TRIP10: variants seen among roughly 807,000 people sequenced by gnomAD.
TRIP10 encodes the protein thyroid hormone receptor interactor 10.
TRIP10 carries 54 observed loss-of-function variants against 80.9 expected under a neutral mutation model. That is an observed-to-expected ratio of 0.67 (90% CI 0.54 to 0.84). The LOEUF (loss-of-function observed/expected upper bound fraction) is 0.84, where lower values mean the gene tolerates loss of function less well. TRIP10 is among the 40% of genes least tolerant of loss of function. TRIP10 has a pLI of 0.00. For missense variants in TRIP10, 773 were observed against 815.3 expected (o/e 0.95, Z 0.63); for synonymous variants, 321 against 307.2 (o/e 1.04, Z -0.47).
Position 6,744,714 on chromosome 19 carries a change from C to A in TRIP10, c.789+14C>A. ...GATCCCAAGAACGTGGGTGCCTGGTCTGGGTCCACTGGGCTACGGGAAGGG... is the reference window on the plus strand; with the variant it reads ...GATCCCAAGAACGTGGGTGCCTGGTATGGGTCCACTGGGCTACGGGAAGGG... On this transcript the variant is annotated intron_variant, in intron 8 of 14. Transcript: ENST00000313244. This position sits in a 1 kb window ranked among gnomAD's most constrained non-coding sequence, Gnocchi z 4.9. 11 of 1,592,718 alleles carry A rather than the reference C, an allele frequency of 6.9e-6. No individual in the cohort carries two copies. Among genetic ancestry groups the A allele is most frequent in the Non-Finnish European group, 9.4e-6 (11 of 1,168,158 alleles).
In TRIP10 at chr19:6,739,747, G is replaced by A; in HGVS notation, c.-15G>A. 6 of 1,394,114 alleles carry A rather than the reference G, an allele frequency of 4.3e-6. No homozygotes were observed. Among genetic ancestry groups the A allele is most frequent in the Admixed American group, 2.7e-5 (1 of 36,994 alleles). 86.4% of individuals were successfully genotyped at this position (1,394,114 alleles called of 1,614,324 possible). ...CGGGTGCGGTGGTGGCTGCGGCGGC[G>A]GCGGCGGGAGCAGCATGGATTGGGG... On this transcript the variant is annotated 5_prime_UTR_variant, in exon 1 of 15. Coordinates refer to ENST00000313244, the MANE Select transcript of TRIP10 (RefSeq NM_001288962.2).
chr19:6,746,845 T>C lies in TRIP10; in HGVS notation c.1262+284T>C, dbSNP rs1021973277. On this transcript the variant is annotated intron_variant, in intron 11 of 14. Coordinates refer to ENST00000313244, the MANE Select transcript of TRIP10 (RefSeq NM_001288962.2). This position sits in a 1 kb window ranked among gnomAD's most constrained non-coding sequence, Gnocchi z 6.2. ...TTTTAGTAGAGGCGGGGTTTCCCCA[T>C]ATTAGCCAGGCTGTCTTGAACTCCT... Among the ~76,000 whole-genome samples, 1 of 152,126 alleles carries C rather than the reference T, an allele frequency of 6.6e-6. No homozygotes were observed.
intron 2 of TRIP10, 47 bp from the exon 3 acceptor site, chr19:6,741,178 G>A (rs368513356): frequency 1.2e-6 from 2 of 1,613,374 alleles, no homozygotes; most frequent in Admixed American, 1.7e-5. Context: ...GACGGGGAGC[G>A]GTGGGAGGGC....
intron 12 of TRIP10, 48 bp downstream of exon 12, chr19:6,750,114 G>A (rs771604885): frequency 8.2e-5 from 110 of 1,343,232 alleles, no homozygotes; most frequent in Non-Finnish European, 1.1e-4. Context: ...GCCTGGCTGA[G>A]TCACTGCTGG....
At position 6,741,472 on chromosome 19, in the gene TRIP10, T is replaced by G. The variant is rs1690636; in HGVS notation, c.197+191T>G. Among the ~76,000 whole-genome samples the G allele has an allele frequency of 3.5e-3, 537 of 152,308 alleles. 4 individuals are homozygous for G. Among genetic ancestry groups the G allele is most frequent in the African/African-American group, 0.012 (516 of 41,570 alleles). Reference sequence around the variant, plus strand: ...CCACTACTATGTAGAGAAATTGACTTGGGCTTGTGACTCAGGTTTTCTGCC... The same window carrying G: ...CCACTACTATGTAGAGAAATTGACTGGGGCTTGTGACTCAGGTTTTCTGCC... On this transcript the variant is annotated intron_variant, in intron 3 of 14. Transcript: ENST00000313244.
Position 6,743,806 on chromosome 19 carries a change from C to T in TRIP10, c.612C>T (p.Phe204=). Residue 204 remains phenylalanine, a synonymous_variant, in exon 7 of 15, where the codon TTC becomes TTT. Coordinates refer to ENST00000313244, the MANE Select transcript of TRIP10 (RefSeq NM_001288962.2). The stretch of plus-strand genomic sequence containing the variant: ...GCTTCAACCGAGACCAAGCCCACTT[C>T]TATTTTTCACAGATGCCCCAGATAT... ...LQRFNRDQAH[F]YFSQMPQIFD... 1 of 1,614,120 alleles carries T rather than the reference C, an allele frequency of 6.2e-7. No homozygotes were observed. Among genetic ancestry groups the T allele is most frequent in the Non-Finnish European group, 8.5e-7 (1 of 1,180,024 alleles).
At chr19:6,750,879 C>T (rs1040463152) in intron 14 of TRIP10, among the ~76,000 whole-genome samples, 184 bp from the exon 15 acceptor site, 2 of 152,156 alleles carry the variant, frequency 1.3e-5, no homozygotes, top group Admixed American at 1.3e-4. Flanking sequence ...GCCTGTGATC[C>T]CAGCTACTCG....
chr19:6,746,025 G>C lies in TRIP10; in HGVS notation c.985-4G>C. The C allele has an allele frequency of 1.3e-6, 1 of 756,802 alleles. No individual in the cohort carries two copies. Among genetic ancestry groups the C allele is most frequent in the Non-Finnish European group, 1.6e-6 (1 of 611,278 alleles). 46.9% of individuals were successfully genotyped at this position (756,802 alleles called of 1,614,324 possible). On this transcript the variant is annotated splice_polypyrimidine_tract_variant and splice_region_variant and intron_variant, in intron 9 of 14. Coordinates refer to ENST00000313244, the MANE Select transcript of TRIP10 (RefSeq NM_001288962.2). This position sits in a 1 kb window ranked among gnomAD's most constrained non-coding sequence, Gnocchi z 6.2. ...CTATCCCCCTCCCCGGCCCCCGCCG[G>C]TAGCCTCGCCCCCCACCCCTCTCCC... is the stretch of plus-strand genomic sequence containing the variant.
Position 6,743,069 on chromosome 19 carries a change from T to C in TRIP10, c.300T>C (p.Leu100=). 2 of 1,613,354 alleles carry C rather than the reference T, an allele frequency of 1.2e-6. No individual in the cohort carries two copies. The highest frequency in any genetic ancestry group is 1.7e-5 in the Admixed American group (1 of 60,014). Residue 100 remains leucine, a synonymous_variant, in exon 4 of 15, where the codon CTT becomes CTC. Coordinates refer to ENST00000313244, the MANE Select transcript of TRIP10 (RefSeq NM_001288962.2). ...AGAACCTCAGTGTCCGTGTATGTCT[T>C]GAGCTGACCAAGTACTCACAAGAGA... is the stretch of plus-strand genomic sequence containing the variant. ...VAENLSVRVC[L]ELTKYSQEMK...
chr19:6,748,045 A>G (rs997393268), intron 11 of TRIP10, among the ~76,000 whole-genome samples: 6 of 152,126 alleles, frequency 3.9e-5, no homozygotes, highest in Non-Finnish European at 5.9e-5. Flanking sequence ...AGATAGTTCA[A>G]TATCAAAAAA....
rs1349356607 is a variant in TRIP10 at position 6,746,328 on chromosome 19, C to A, written c.1153-124C>A. ...GGTTGCCCAACCCAGACCTGCTTTGCTCTGTGCATGGCTTCGCTGTCAAGA... is the reference window on the plus strand; with the variant it reads ...GGTTGCCCAACCCAGACCTGCTTTGATCTGTGCATGGCTTCGCTGTCAAGA... On this transcript the variant is annotated intron_variant, in intron 10 of 14. Transcript: ENST00000313244. The surrounding 1 kb of genome is among the most constrained non-coding windows in gnomAD (Gnocchi z 6.2). The A allele has an allele frequency of 3.9e-6, 6 of 1,522,612 alleles. No homozygotes were observed. In the African/African-American group the frequency reaches 6.8e-5, roughly 17 times the overall value. 94.3% of individuals were successfully genotyped at this position (1,522,612 alleles called of 1,614,324 possible).
In TRIP10 at chr19:6,750,436, G is replaced by A. The variant is rs867289605; in HGVS notation, c.1535+5G>A. 8 of 1,613,974 alleles carry A rather than the reference G, an allele frequency of 5.0e-6. No individual in the cohort carries two copies. The African/African-American group carries it at 6.7e-5, about 13-fold the overall frequency. On this transcript the variant is annotated splice_donor_5th_base_variant and intron_variant, in intron 13 of 14. Transcript: ENST00000313244. ...ATCACAGGACACCAAGGAGAGGTGA[G>A]GGGTGACGTCAGAGTGGGTCTGTTC...
chr19:6,750,713 A>T, intron 14 of TRIP10, 80 bp downstream of exon 14: 1 of 1,569,414 alleles, frequency 6.4e-7, no homozygotes, highest in Non-Finnish European at 8.6e-7. Context: ...CGCCTAAAGC[A>T]GGGCTGGGCG....
At chr19:6,751,005 ATAAAAAT>A (rs774145326) in intron 14 of TRIP10, 51 bp from the exon 15 acceptor site, 1 of 1,465,032 alleles carries the variant, frequency 6.8e-7, no homozygotes, top group South Asian at 1.5e-5. Flanking sequence ...AAAATAAAAA[ATAAAAAT>A]AATAAATTTT....
At chr19:6,749,828 G>C in intron 11 of TRIP10, 106 bp from the exon 12 acceptor site, 1 of 1,479,680 alleles carries the variant, frequency 6.8e-7, no homozygotes. Flanking sequence ...ACCAGCCTGG[G>C]GAAAGAGTCA....
chr19:6,742,409 G>A (rs1429144180), intron 3 of TRIP10, among the ~76,000 whole-genome samples: 1 of 151,954 alleles, frequency 6.6e-6, no homozygotes, highest in East Asian at 1.9e-4. Context: ...TAGATACGGT[G>A]TTTGATTACA....
At chr19:6,740,823 G>A (rs1599556408) in intron 1 of TRIP10, 187 bp from the exon 2 acceptor site, 1 of 581,410 alleles carries the variant, frequency 1.7e-6, no homozygotes, top group Non-Finnish European at 3.1e-6. Flanking sequence ...GCCCTTCCCG[G>A]GAAGGGGAGG....
intron 11 of TRIP10, among the ~76,000 whole-genome samples, chr19:6,747,724 C>T (rs150106405): frequency 0.012 from 1,779 of 151,950 alleles, 28 homozygotes; most frequent in African/African-American, 0.04. Context: ...ACCTGGGAGG[C>T]GGAGGTTGCA....
In TRIP10 at chr19:6,744,812, C is replaced by T; in HGVS notation, c.802C>T (p.Leu268Phe). 6.2e-7 allele frequency: 1 copy of T among 1,613,680 alleles called. No individual in the cohort carries two copies. The highest frequency in any genetic ancestry group is 8.5e-7 in the Non-Finnish European group (1 of 1,179,748). The change falls in exon 9 of 15, where the codon CTT (leucine) becomes TTT (phenylalanine). Residue 268 changes from leucine to phenylalanine, a missense_variant. By Grantham distance (22) the Leu-to-Phe change is conservative. Transcript: ENST00000313244. The surrounding 1 kb of genome is among the most constrained non-coding windows in gnomAD (Gnocchi z 4.9). ...AVDPKNDSHV[L>F]IELHKSGFAR... ...CCCCCTCCCCCAGGACTCCCACGTC[C>T]TTATAGAGCTGCACAAGTCAGGTTT...
Sources: allele counts gnomAD v4.1 joint callset (sites outside exome capture counted in the v4.1 genomes callset), GRCh38; gene constraint gnomAD v4.1.1; non-coding constraint Gnocchi (gnomAD v3.1); transcripts MANE v1.5; gene names NCBI Gene and HGNC (gene_info 2026-07-23, HGNC 2026-07-21).